The following MTHFD2 variants were observed in gnomAD, a reference collection of about 807,000 sequenced individuals.
MTHFD2 encodes methylenetetrahydrofolate dehydrogenase (NADP+ dependent) 2, methenyltetrahydrofolate cyclohydrolase.
In MTHFD2, 26 loss-of-function variants were observed where a neutral mutation model predicts 36.8. That is an observed-to-expected ratio of 0.71 (90% CI 0.52 to 0.98). The LOEUF is 0.98. Among genes scored for constraint, MTHFD2 ranks in the 50% least tolerant of loss-of-function variants. The pLI is 0.00. For missense variants in MTHFD2, 373 were observed against 434.0 expected (o/e 0.86, Z 1.25); for synonymous variants, 164 against 155.2 (o/e 1.06, Z -0.42).
chr2:74,204,431 C>G (rs997162054), intron 1 of MTHFD2, among the ~76,000 whole-genome samples: 5 of 152,182 alleles, frequency 3.3e-5, no homozygotes, highest in Non-Finnish European at 7.3e-5. Context: ...ACCTCAGCAA[C>G]AGTTTTCTGA....
In MTHFD2 at chr2:74,208,229, C is replaced by T. The variant is rs548284004; in HGVS notation, c.410-340C>T. 3.0e-4 allele frequency among the ~76,000 whole-genome samples: 46 copies of T among 151,416 alleles called. 2 individuals are homozygous for T. In the South Asian group the frequency reaches 9.5e-3, roughly 31 times the overall value. Reference sequence around the variant, plus strand: ...TAAAAAGGCCTTGTTACTTTATACACCTGGTTCTTCATGTGGATTTGGCTT... The same window carrying T: ...TAAAAAGGCCTTGTTACTTTATACATCTGGTTCTTCATGTGGATTTGGCTT... On this transcript the variant is annotated intron_variant, in intron 3 of 7. Coordinates refer to ENST00000394053, the MANE Select transcript of MTHFD2 (RefSeq NM_006636.4).
intron 1 of MTHFD2, among the ~76,000 whole-genome samples, chr2:74,202,214 AGT>A (rs1335858235): frequency 2.6e-5 from 4 of 152,172 alleles, no homozygotes; most frequent in Middle Eastern, 3.4e-3. Context: ...CTTATGTGTA[AGT>A]GTATCTATTT....
At chr2:74,199,740 T>A (rs1034778555) in intron 1 of MTHFD2, among the ~76,000 whole-genome samples, 1 of 147,854 alleles carries the variant, frequency 6.8e-6, no homozygotes, top group Middle Eastern at 3.3e-3. Context: ...GTTGATAAGG[T>A]TTATGTTATG....
At position 74,207,838 on chromosome 2, in the gene MTHFD2, A is replaced by G. The variant is rs1325570028; in HGVS notation, c.409+12A>G. 1 of 1,576,938 alleles carries G rather than the reference A, an allele frequency of 6.3e-7. No homozygotes were observed. The highest frequency in any genetic ancestry group is 1.7e-5 in the Admixed American group (1 of 59,070). On this transcript the variant is annotated intron_variant, in intron 3 of 7. Coordinates refer to ENST00000394053, the MANE Select transcript of MTHFD2 (RefSeq NM_006636.4). ...GTTGCCTCTTCCAGGTGAGTTTTGG[A>G]CTCCATTTAACATGATTGCTGCTGC... is the stretch of plus-strand genomic sequence containing the variant.
intron 5 of MTHFD2, among the ~76,000 whole-genome samples, chr2:74,210,433 T>C (rs1694277985): frequency 6.6e-6 from 1 of 152,252 alleles, no homozygotes; most frequent in Non-Finnish European, 1.5e-5. Context: ...GACTGTAATG[T>C]GTCCTGTCAG....
At chr2:74,213,972 GCTT>G in intron 7 of MTHFD2, 104 bp from the exon 8 acceptor site, 1 of 1,240,620 alleles carries the variant, frequency 8.1e-7, no homozygotes. Flanking sequence ...TGAGTTTTAT[GCTT>G]ATGTATGTTA....
Position 74,211,297 on chromosome 2 carries a change from A to AC in MTHFD2, c.763+6_763+7insC. The AC allele has an allele frequency of 6.4e-7, 1 of 1,571,376 alleles. No homozygotes were observed. The highest frequency in any genetic ancestry group is 8.7e-7 in the Non-Finnish European group (1 of 1,143,528). On this transcript the variant is annotated splice_region_variant and intron_variant, in intron 6 of 7. Coordinates refer to ENST00000394053, the MANE Select transcript of MTHFD2 (RefSeq NM_006636.4). ...TATTGTAATATCTGCTGCAGGTAAGAACACAAGGGGGATGGAGGGAAGGAC... is the reference window on the plus strand; with the variant it reads ...TATTGTAATATCTGCTGCAGGTAAGACACACAAGGGGGATGGAGGGAAGGAC...
At position 74,216,928 on chromosome 2, in the gene MTHFD2, A is replaced by G. The variant is rs1694463316; in HGVS notation, c.*2686A>G. ...CTGACAAGAATTTATACTTAAGCAT[A>G]GGAGATGGTTCTGGAAATTCTAAGA... On this transcript the variant is annotated 3_prime_UTR_variant, in exon 8 of 8. Transcript: ENST00000394053. 6.6e-6 allele frequency: 1 copy of G among 152,210 alleles called. No homozygotes were observed. The highest frequency in any genetic ancestry group is 2.1e-4 in the South Asian group (1 of 4,834). The allele number at this position is 152,210 out of a possible 1,614,324, so 9.4% of individuals were successfully genotyped here.
chr2:74,210,081 T>C, intron 5 of MTHFD2, 32 bp downstream of exon 5: 1 of 1,555,080 alleles, frequency 6.4e-7, no homozygotes, highest in Non-Finnish European at 8.8e-7. Context: ...AACACTGTCC[T>C]TTTTTCCCCA....
At chr2:74,204,868 G>A (rs950636319) in intron 1 of MTHFD2, among the ~76,000 whole-genome samples, 1 of 152,050 alleles carries the variant, frequency 6.6e-6, no homozygotes, top group Non-Finnish European at 1.5e-5. Context: ...CTCTGTCACC[G>A]AGGCTGGAGT....
rs764925201 is a variant in MTHFD2 at position 74,211,831 on chromosome 2, C to T, written c.854C>T (p.Ala285Val). 4 of 1,610,974 alleles carry T rather than the reference C, an allele frequency of 2.5e-6. No individual in the cohort carries two copies. In the South Asian group the frequency reaches 3.3e-5, roughly 13 times the overall value. Reference protein sequence around the residue: ...GINRVHDPVTAKPKLVGDVDF... With the variant: ...GINRVHDPVTVKPKLVGDVDF... The stretch of plus-strand genomic sequence containing the variant: ...AATAGAGTTCACGATCCTGTAACTG[C>T]CAAACCCAAGTTGGTTGGAGATGTG... Residue 285 changes from alanine to valine, a missense_variant, in exon 7 of 8, where the codon GCC (alanine) becomes GTC (valine). Coordinates refer to ENST00000394053, the MANE Select transcript of MTHFD2 (RefSeq NM_006636.4).
At chr2:74,201,515 C>A (rs1049588325) in intron 1 of MTHFD2, among the ~76,000 whole-genome samples, 1 of 145,752 alleles carries the variant, frequency 6.9e-6, no homozygotes, top group African/African-American at 2.5e-5. Flanking sequence ...TACCACCATG[C>A]CTGGCTAATT....
Position 74,205,689 on chromosome 2 carries a change from C to G in MTHFD2, c.102-16C>G. On this transcript the variant is annotated splice_polypyrimidine_tract_variant and intron_variant, in intron 1 of 7. Transcript: ENST00000394053. Reference sequence around the variant, plus strand: ...ATTCAAGTTATTTGGTTTTGTGACTCTGTTGCCTTCTGCAGAAATGAAGCT... The same window carrying G: ...ATTCAAGTTATTTGGTTTTGTGACTGTGTTGCCTTCTGCAGAAATGAAGCT... The G allele has an allele frequency of 1.9e-6, 3 of 1,612,444 alleles. 1 individual carries two copies. The South Asian group carries it at 3.3e-5, about 18-fold the overall frequency.
At chr2:74,212,665 T>C (rs1694334626) in intron 7 of MTHFD2, among the ~76,000 whole-genome samples, 1 of 152,230 alleles carries the variant, frequency 6.6e-6, no homozygotes, top group South Asian at 2.1e-4. Context: ...AGAGCAGTTA[T>C]AAACTTTTCA....
intron 7 of MTHFD2, among the ~76,000 whole-genome samples, chr2:74,213,048 A>G (rs1164603820): frequency 1.3e-5 from 2 of 151,738 alleles, no homozygotes; most frequent in Non-Finnish European, 2.9e-5. Flanking sequence ...GGGATTACAG[A>G]CATGAGCCAC....
chr2:74,206,576 CACTCGCG>C (rs1261213580), intron 2 of MTHFD2: 1 of 152,278 alleles, frequency 6.6e-6, no homozygotes, highest in Non-Finnish European at 1.5e-5. Context: ...GCTGTGAAAC[CACTCGCG>C]TGGCTGGGTG....
Position 74,198,697 on chromosome 2 carries a change from A to G in MTHFD2, c.56A>G (p.His19Arg). The change falls in exon 1 of 8, where the codon CAC becomes CGC. Residue 19 changes from histidine (H) to arginine (R), a missense_variant. By Grantham distance (29) the His-to-Arg change is conservative. Around this residue, in one of 2 missense-constraint regions of MTHFD2, gnomAD observed 65 missense variants for 36.1 expected, o/e 1.80. Transcript: ENST00000394053. The part of the protein sequence containing the change: ...ALAARLLQPA[H>R]SCSLRLRPFH... Reference sequence around the variant, plus strand: ...GCTGCCCGGCTGCTGCAGCCCGCGCACAGCTGCTCCCTTCGCCTTCGCCCT... The same window carrying G: ...GCTGCCCGGCTGCTGCAGCCCGCGCGCAGCTGCTCCCTTCGCCTTCGCCCT... The G allele has an allele frequency of 6.2e-7, 1 of 1,611,536 alleles. No homozygotes were observed. The highest frequency in any genetic ancestry group is 2.2e-5 in the East Asian group (1 of 44,794).
At chr2:74,200,545 CTTTT>C in intron 1 of MTHFD2, among the ~76,000 whole-genome samples, 1 of 143,362 alleles carries the variant, frequency 7.0e-6, no homozygotes, top group Non-Finnish European at 1.5e-5. Context: ...AGTCTGCATT[CTTTT>C]TTTTTTTTTC....
intron 5 of MTHFD2, among the ~76,000 whole-genome samples, chr2:74,210,784 A>ATTTTTTTTTTTTTTT (rs1558856574): frequency 1.2e-5 from 1 of 85,374 alleles, no homozygotes; most frequent in East Asian, 4.3e-4. Context: ...CCATTAAGTC[A>ATTTTTTTTTTTTTTT]GTTTTTTTTT....
Sources: gnomAD v4.1 joint callset for allele counts (sites outside exome capture counted in the v4.1 genomes callset) on GRCh38, gnomAD v4.1.1 for gene constraint, gnomAD v4.1.1 regional missense constraint, MANE v1.5 for transcripts, NCBI Gene and HGNC (gene_info 2026-07-23, HGNC 2026-07-21) for gene names.